CHMP4C: variants seen among roughly 807,000 people sequenced by gnomAD.
CHMP4C encodes SNF7 homolog associated with Alix 3.
In CHMP4C, 28 loss-of-function variants were observed where a neutral mutation model predicts 29.0. That is an observed-to-expected ratio of 0.97 (90% CI 0.72 to 1.32). The LOEUF (loss-of-function observed/expected upper bound fraction) is 1.32. Among genes scored for constraint, CHMP4C ranks in the 40% most tolerant of loss-of-function variants. The pLI, the probability that CHMP4C is intolerant of heterozygous loss-of-function variation, is 0.00. For missense variants in CHMP4C, 291 were observed against 281.0 expected, an observed-to-expected ratio of 1.04 and a Z score of -0.25; for synonymous variants, 106 against 102.4, an observed-to-expected ratio of 1.04 and a Z score of -0.21.
Position 81,758,719 on chromosome 8 carries a change from A to G in CHMP4C, c.*175A>G, listed in dbSNP as rs894050843. On this transcript the variant is annotated 3_prime_UTR_variant, in exon 5 of 5. Coordinates refer to ENST00000297265, the MANE Select transcript of CHMP4C (RefSeq NM_152284.4). ...AGGAGTCATGTGCATACATAGAATC[A>G]GTGATGGAGGCCAGGCACGGTATCT... 1 of 590,754 alleles carries G rather than the reference A, an allele frequency of 1.7e-6. No homozygotes were observed. The highest frequency in any genetic ancestry group is 3.0e-6 in the Non-Finnish European group (1 of 336,244). The allele number at this position is 590,754 out of a possible 1,614,324, so 36.6% of individuals were successfully genotyped here.
intron 1 of CHMP4C, among the ~76,000 whole-genome samples, chr8:81,748,641 G>C (rs1255109003): frequency 1.3e-5 from 2 of 152,048 alleles, no homozygotes; most frequent in Non-Finnish European, 2.9e-5. Flanking sequence ...TCAGAAATAA[G>C]ATATGCAAGC....
intron 3 of CHMP4C, among the ~76,000 whole-genome samples, chr8:81,756,547 G>A (rs112408329): frequency 6.6e-6 from 1 of 152,174 alleles, no homozygotes; most frequent in African/African-American, 2.4e-5. Context: ...TTTTCTGACT[G>A]TTAGTTTTCT....
chr8:81,732,684 C>G lies in CHMP4C; in HGVS notation c.58C>G (p.Pro20Ala). 1 of 1,585,704 alleles carries G rather than the reference C, an allele frequency of 6.3e-7. No homozygotes were observed. The highest frequency in any genetic ancestry group is 8.6e-7 in the Non-Finnish European group (1 of 1,166,030). ...CGGCTCTTCTAAGAGCCGAGCCGCT[C>G]CCAGTCCCCAGGAGGCCCTGGTCCG... ...GGGSSKSRAA[P>A]SPQEALVRLR... The change falls in exon 1 of 5, where the codon CCC becomes GCC. Residue 20 changes from proline (P) to alanine (A), a missense_variant. By Grantham distance (27) the Pro-to-Ala change is conservative. Coordinates refer to ENST00000297265, the MANE Select transcript of CHMP4C (RefSeq NM_152284.4).
intron 1 of CHMP4C, among the ~76,000 whole-genome samples, chr8:81,733,379 A>G (rs1563616821): frequency 1.3e-5 from 2 of 152,158 alleles, no homozygotes; most frequent in Admixed American, 6.5e-5. Flanking sequence ...AACACTAACC[A>G]TGAAGTTTTC....
intron 1 of CHMP4C, 115 bp from the exon 2 acceptor site, chr8:81,752,949 A>G (rs1808925199): frequency 2.7e-6 from 2 of 744,170 alleles, no homozygotes; most frequent in South Asian, 5.1e-5. Flanking sequence ...TTATTTTGGT[A>G]TACTCGTTGT....
chr8:81,758,407 A>G (rs1229073815), intron 4 of CHMP4C, 73 bp from the exon 5 acceptor site: 2 of 1,535,212 alleles, frequency 1.3e-6, no homozygotes, highest in African/African-American at 2.7e-5. Flanking sequence ...TTTTATATGT[A>G]ATTCATACCT....
chr8:81,749,361 C>T (rs573809925), intron 1 of CHMP4C, among the ~76,000 whole-genome samples: 16 of 152,080 alleles, frequency 1.1e-4, no homozygotes, highest in Non-Finnish European at 2.1e-4. Context: ...CACTTATCAC[C>T]AATTGAACAT....
At chr8:81,757,632 A>T (rs1808988783) in intron 3 of CHMP4C, among the ~76,000 whole-genome samples, 1 of 152,230 alleles carries the variant, frequency 6.6e-6, no homozygotes, top group Non-Finnish European at 1.5e-5. Context: ...AACTTTTCTT[A>T]ACCCAAATGC....
intron 3 of CHMP4C, among the ~76,000 whole-genome samples, chr8:81,756,682 G>A (rs1288120361): frequency 6.6e-6 from 1 of 152,104 alleles, no homozygotes. Context: ...TGGAGGAGAT[G>A]ATTACTCTGT....
chr8:81,742,554 A>T (rs1475553750), intron 1 of CHMP4C, among the ~76,000 whole-genome samples: 1 of 152,192 alleles, frequency 6.6e-6, no homozygotes, highest in Admixed American at 6.6e-5. Context: ...TTAAATATGA[A>T]GTCTTAGTGA....
At chr8:81,743,165 A>G (rs1808784583) in intron 1 of CHMP4C, among the ~76,000 whole-genome samples, 1 of 152,020 alleles carries the variant, frequency 6.6e-6, no homozygotes, top group Admixed American at 6.6e-5. Flanking sequence ...TGCAAGCCAC[A>G]GGCACAGTGC....
chr8:81,757,517 C>T (rs1808987196), intron 3 of CHMP4C, among the ~76,000 whole-genome samples: 1 of 152,116 alleles, frequency 6.6e-6, no homozygotes, highest in Non-Finnish European at 1.5e-5. Flanking sequence ...CTCAAACTAG[C>T]CTTGTCTCTC....
intron 1 of CHMP4C, 38 bp downstream of exon 1, chr8:81,732,854 GCCTCTAGCCTT>G (rs1808636952): frequency 2.5e-6 from 4 of 1,576,100 alleles, no homozygotes; most frequent in Non-Finnish European, 3.5e-6. Flanking sequence ...GAGCCCATCT[GCCTCTAGCCTT>G]TCCCTTGGGG....
intron 1 of CHMP4C, among the ~76,000 whole-genome samples, chr8:81,736,222 C>G (rs963003294): frequency 2.0e-5 from 3 of 151,880 alleles, no homozygotes; most frequent in Admixed American, 6.6e-5. Context: ...GTGGTGTGAT[C>G]AGGGCTCACT....
At chr8:81,736,692 A>G (rs770516029) in intron 1 of CHMP4C, among the ~76,000 whole-genome samples, 1 of 152,250 alleles carries the variant, frequency 6.6e-6, no homozygotes, top group Middle Eastern at 3.4e-3. Context: ...GCCAGGGAAC[A>G]TTGCTGTCTT....
intron 1 of CHMP4C, among the ~76,000 whole-genome samples, chr8:81,742,880 T>G (rs1174220312): frequency 6.6e-6 from 1 of 152,162 alleles, no homozygotes; most frequent in Non-Finnish European, 1.5e-5. Context: ...TTGTGAGCAG[T>G]TTGAAAAGGT....
rs371933543 is a variant in CHMP4C, at chr8:81,753,155, A to G, written c.282A>G (p.Glu94=). Residue 94 remains glutamate, a synonymous_variant, in exon 2 of 5, where the codon GAA becomes GAG. Coordinates refer to ENST00000297265, the MANE Select transcript of CHMP4C (RefSeq NM_152284.4). ...TTTCTACCATTGAGTTCCAGAGAGA[A>G]GCCCTGGAGAACTCACACACCAACA... is the stretch of plus-strand genomic sequence containing the variant. ...GTLSTIEFQR[E]ALENSHTNTE... The G allele has an allele frequency of 1.2e-5, 20 of 1,612,426 alleles. No individual in the cohort carries two copies. In the African/African-American group the frequency reaches 2.1e-4, roughly 17 times the overall value.
At chr8:81,743,502 T>C (rs946305039) in intron 1 of CHMP4C, among the ~76,000 whole-genome samples, 3 of 152,090 alleles carry the variant, frequency 2.0e-5, no homozygotes, top group Non-Finnish European at 4.4e-5. Flanking sequence ...ATCAAACAAT[T>C]AATTAGATTT....
At chr8:81,736,180 G>A (rs1469339882) in intron 1 of CHMP4C, among the ~76,000 whole-genome samples, 1 of 151,566 alleles carries the variant, frequency 6.6e-6, no homozygotes, top group Non-Finnish European at 1.5e-5. Context: ...TTTTGAGACA[G>A]GGTCTCGCTT....
Sources: gnomAD v4.1 joint callset for allele counts (sites outside exome capture counted in the v4.1 genomes callset) on GRCh38, gnomAD v4.1.1 for gene constraint, MANE v1.5 for transcripts, NCBI Gene and HGNC (gene_info 2026-07-23, HGNC 2026-07-21) for gene names.